The following DEF8 variants were observed in gnomAD, a reference collection of about 807,000 sequenced individuals.
The protein encoded by DEF8 is differentially expressed in FDCP 8 homolog.
In DEF8, 38 loss-of-function variants were observed where a neutral mutation model predicts 59.1. The ratio of observed to expected loss-of-function variants is 0.64; its 90% confidence interval spans 0.50 to 0.84. The LOEUF (loss-of-function observed/expected upper bound fraction) is 0.84. Among genes scored for constraint, DEF8 ranks in the 40% least tolerant of loss-of-function variants. The pLI, the probability that DEF8 is intolerant of heterozygous loss-of-function variation, is 0.00. For missense variants in DEF8, 557 were observed against 615.2 expected, an observed-to-expected ratio of 0.91 and a Z score of 1.00; for synonymous variants, 265 against 250.1, an observed-to-expected ratio of 1.06 and a Z score of -0.56.
At position 89,966,758 on chromosome 16, in the gene DEF8, G is replaced by A. The variant is rs997899597; in HGVS notation, c.*795G>A. On this transcript the variant is annotated 3_prime_UTR_variant, in exon 13 of 13. Transcript: ENST00000563594. ...GAGGAGGGTGTCCTGGCCTCCAGGTGTGCAGCAGGGGCTGTGTGCTGGGGG... is the reference window on the plus strand; with the variant it reads ...GAGGAGGGTGTCCTGGCCTCCAGGTATGCAGCAGGGGCTGTGTGCTGGGGG... The A allele has an allele frequency of 5.2e-5, 8 of 153,030 alleles. No individual in the cohort carries two copies. The highest frequency in any genetic ancestry group is 1.7e-4 in the African/African-American group (7 of 41,468). The allele number at this position is 153,030 out of a possible 1,614,324, so 9.5% of individuals were successfully genotyped here.
intron 4 of DEF8, among the ~76,000 whole-genome samples, chr16:89,955,844 G>A (rs1001661351): frequency 2.0e-4 from 30 of 151,960 alleles, no homozygotes; most frequent in African/African-American, 6.0e-4. Flanking sequence ...AGGCTGAGGC[G>A]GGCGGATCAC....
rs746724442 is a variant in DEF8 at position 89,955,259 on chromosome 16, G to A, written c.215G>A (p.Arg72His). 1.5e-5 allele frequency: 25 copies of A among 1,613,404 alleles called. No homozygotes were observed. Among genetic ancestry groups the A allele is most frequent in the African/African-American group, 2.7e-5 (2 of 74,878 alleles). Residue 72 changes from arginine (R) to histidine (H), a missense_variant, in exon 4 of 13, where the codon CGC becomes CAC. By Grantham distance (29) the Arg-to-His change is conservative. Transcript: ENST00000563594. ...GGCCTGTCTGAGGACCACTTCTCCC[G>A]CCCTGTGGTAAGGTTTTAGATCTCG... is the stretch of plus-strand genomic sequence containing the variant. ...DLGLSEDHFSRPVGLFLASDV... is the reference protein window; with the variant it reads ...DLGLSEDHFSHPVGLFLASDV...
intron 12 of DEF8, among the ~76,000 whole-genome samples, 162 bp downstream of exon 12, chr16:89,964,737 A>C (rs2151222225): frequency 6.6e-6 from 1 of 152,086 alleles, no homozygotes; most frequent in South Asian, 2.1e-4. Flanking sequence ...ACCCTGAGAT[A>C]TGAAGTCAGA....
chr16:89,957,899 T>G, intron 5 of DEF8: 1 of 403,916 alleles, frequency 2.5e-6, no homozygotes, highest in Non-Finnish European at 4.4e-6. Flanking sequence ...CAACCCTGAG[T>G]AGCTTAAGCC....
Position 89,961,864 on chromosome 16 carries a change from G to C in DEF8, c.807G>C (p.Lys269Asn). The change falls in exon 8 of 13, where the codon AAG becomes AAC. Residue 269 changes from lysine (K) to asparagine (N), a missense_variant and splice_region_variant. Physicochemically the swap from Lys to Asn is moderately conservative, Grantham distance 94 (BLOSUM62 0). Coordinates refer to ENST00000563594, the MANE Select transcript of DEF8 (RefSeq NM_001242818.2). ...VVHNWDFEPR[K>N]VSRCSMRYLA... ...ACAACTGGGACTTTGAGCCTCGAAAGGTGGGGGTTGGAAGGTGGGGGCATC... is the reference window on the plus strand; with the variant it reads ...ACAACTGGGACTTTGAGCCTCGAAACGTGGGGGTTGGAAGGTGGGGGCATC... 1 of 1,599,496 alleles carries C rather than the reference G, an allele frequency of 6.3e-7. No individual in the cohort carries two copies.
At chr16:89,959,829 G>A (rs1217019247) in intron 6 of DEF8, among the ~76,000 whole-genome samples, 1 of 152,268 alleles carries the variant, frequency 6.6e-6, no homozygotes, top group African/African-American at 2.4e-5. Context: ...AAAACTTGAA[G>A]GTCAGGGAGC....
Position 89,965,971 on chromosome 16 carries a change from G to T in DEF8, c.*8G>T. 1.2e-6 allele frequency: 2 copies of T among 1,605,270 alleles called. No homozygotes were observed. The highest frequency in any genetic ancestry group is 1.7e-6 in the Non-Finnish European group (2 of 1,173,850). On this transcript the variant is annotated 3_prime_UTR_variant, in exon 13 of 13. Transcript: ENST00000563594. ...CCCGATGTGGAGGCCTAGCGCCGAG[G>T]AACAGTGCTGGGCACCCCGCCTGGC...
At chr16:89,955,308 C>A (rs764459245) in intron 4 of DEF8, 42 bp downstream of exon 4, 3 of 1,559,680 alleles carry the variant, frequency 1.9e-6, no homozygotes, top group Non-Finnish European at 2.7e-6. Context: ...CTGAGGGAAC[C>A]CCCAAGGCAG....
intron 10 of DEF8, chr16:89,963,774 A>G (rs1597528924): frequency 2.0e-6 from 1 of 494,798 alleles, no homozygotes; most frequent in East Asian, 3.7e-5. Flanking sequence ...ATTCTGGAAC[A>G]GTGAACGAAA....
In DEF8 at chr16:89,954,191, C is replaced by A; in HGVS notation, c.-10-52C>A. 1 of 1,588,976 alleles carries A rather than the reference C, an allele frequency of 6.3e-7. No homozygotes were observed. Among genetic ancestry groups the A allele is most frequent in the South Asian group, 1.1e-5 (1 of 87,300 alleles). On this transcript the variant is annotated intron_variant, in intron 2 of 12. Coordinates refer to ENST00000563594, the MANE Select transcript of DEF8 (RefSeq NM_001242818.2). The surrounding 1 kb of genome is among the most constrained non-coding windows in gnomAD (Gnocchi z 4.3). Reference sequence around the variant, plus strand: ...AGTGTGGTTGGGGAAAGGGGGTGGTCCGTGGTGAGCCTGGTACCTGGGGAC... The same window carrying A: ...AGTGTGGTTGGGGAAAGGGGGTGGTACGTGGTGAGCCTGGTACCTGGGGAC...
Position 89,960,861 on chromosome 16 carries a change from C to T in DEF8, c.515-70C>T, listed in dbSNP as rs73277929. The T allele has an allele frequency of 3.5e-3, 5,463 of 1,544,510 alleles. 172 individuals carry two copies. The African/African-American group carries it at 0.068, about 19-fold the overall frequency. ...TGGAACCCACGGGGAGGGGGCAAGC[C>T]AGCTGAGGGTGGCCTGGGCTGCAGG... On this transcript the variant is annotated intron_variant, in intron 6 of 12. Coordinates refer to ENST00000563594, the MANE Select transcript of DEF8 (RefSeq NM_001242818.2).
intron 7 of DEF8, 73 bp from the exon 8 acceptor site, chr16:89,961,663 AC>A: frequency 6.3e-7 from 1 of 1,584,628 alleles, no homozygotes; most frequent in South Asian, 1.1e-5. Context: ...CCATGGGAGG[AC>A]AGACCATGAG....
Position 89,959,796 on chromosome 16 carries a change from C to T in DEF8, c.514+641C>T, listed in dbSNP as rs548760376. 2.2e-4 allele frequency among the ~76,000 whole-genome samples: 34 copies of T among 152,330 alleles called. No individual in the cohort carries two copies. The East Asian group carries it at 2.9e-3, about 13-fold the overall frequency. On this transcript the variant is annotated intron_variant, in intron 6 of 12. Transcript: ENST00000563594. Reference sequence around the variant, plus strand: ...ACAGGCGTGAGCCACCACGCCCAGCCGGCGTCACGTGACTTTTAAGCAAAA... The same window carrying T: ...ACAGGCGTGAGCCACCACGCCCAGCTGGCGTCACGTGACTTTTAAGCAAAA...
At chr16:89,965,407 GACTGA>G (rs747737007) in intron 12 of DEF8, among the ~76,000 whole-genome samples, 6 of 152,224 alleles carry the variant, frequency 3.9e-5, no homozygotes, top group Admixed American at 2.6e-4. Context: ...CTAAGGTTGA[GACTGA>G]ACTCGCTCGA....
intron 10 of DEF8, 199 bp from the exon 11 acceptor site, chr16:89,963,971 C>CA: frequency 1.4e-6 from 1 of 716,822 alleles, no homozygotes; most frequent in Non-Finnish European, 2.5e-6. Flanking sequence ...CGGGGGGCTA[C>CA]ACAGGTCAGG....
intron 4 of DEF8, among the ~76,000 whole-genome samples, chr16:89,955,772 T>C (rs1302298878): frequency 2.0e-5 from 3 of 152,164 alleles, no homozygotes; most frequent in Admixed American, 1.3e-4. Context: ...GATATAATGA[T>C]TTTTTTAAAA....
At chr16:89,949,570 C>G (rs750808131) in intron 2 of DEF8, 57 bp downstream of exon 2, 1 of 1,613,360 alleles carries the variant, frequency 6.2e-7, no homozygotes, top group East Asian at 2.2e-5. Context: ...CTCAGGTTCT[C>G]GGGGTGGCAG....
chr16:89,963,961 C>T (rs914416516), intron 10 of DEF8: 35 of 669,034 alleles, frequency 5.2e-5, no homozygotes, highest in African/African-American at 2.3e-4. Flanking sequence ...GAGTGGAGGG[C>T]GGGGGGCTAC....
chr16:89,950,847 T>G (rs1170044783), intron 2 of DEF8, among the ~76,000 whole-genome samples: 1 of 152,104 alleles, frequency 6.6e-6, no homozygotes, highest in Non-Finnish European at 1.5e-5. Context: ...CTGAGTGTGG[T>G]GGCACACACT....
Sources: allele counts gnomAD v4.1 joint callset (sites outside exome capture counted in the v4.1 genomes callset), GRCh38; gene constraint gnomAD v4.1.1; non-coding constraint Gnocchi (gnomAD v3.1); transcripts MANE v1.5; gene names NCBI Gene and HGNC (gene_info 2026-07-23, HGNC 2026-07-21).